FAM184A: variants seen among roughly 807,000 people sequenced by gnomAD.
FAM184A encodes family with sequence similarity 184 member A.
A neutral mutation model predicts 143.8 loss-of-function variants in FAM184A; 99 were observed. That is an observed-to-expected ratio of 0.69 (90% CI 0.58 to 0.81). The LOEUF is 0.81. Ranked by LOEUF, FAM184A falls within the 40% of genes least tolerant of loss-of-function variation. FAM184A has a pLI of 0.00. For synonymous variants in FAM184A, 427 were observed against 446.4 expected (o/e 0.96, Z 0.55); for missense variants, 1,217 against 1,310.5 (o/e 0.93, Z 1.10).
intron 9 of FAM184A, among the ~76,000 whole-genome samples, chr6:118,998,800 A>G (rs1464068667): frequency 1.3e-5 from 2 of 152,220 alleles, no homozygotes; most frequent in African/African-American, 4.8e-5. Flanking sequence ...GATGTTGGCA[A>G]TGCAGCCAGA....
rs142293846 is a variant in FAM184A at position 119,012,332 on chromosome 6, G to A, written c.1531-901C>T. Among the ~76,000 whole-genome samples, 527 of 152,254 alleles carry A rather than the reference G, an allele frequency of 3.5e-3. 5 individuals carry two copies. The highest frequency in any genetic ancestry group is 0.012 in the African/African-American group (501 of 41,534). ...CCCAAGTTTGATGATTTACATTCAC[G>A]GGTATAGTCACACTCATGGCTGTGA... On this transcript the variant is annotated intron_variant, in intron 5 of 17. Coordinates refer to ENST00000338891, the MANE Select transcript of FAM184A (RefSeq NM_024581.6).
intron 1 of FAM184A, among the ~76,000 whole-genome samples, chr6:119,043,765 T>C (rs1432719788): frequency 6.6e-6 from 1 of 152,182 alleles, no homozygotes; most frequent in East Asian, 1.9e-4. Flanking sequence ...GTATCAAAAC[T>C]TGTAGGATGC....
At chr6:119,048,576 T>C (rs1409307740) in intron 1 of FAM184A, among the ~76,000 whole-genome samples, 6 of 152,178 alleles carry the variant, frequency 3.9e-5, no homozygotes, top group Non-Finnish European at 8.8e-5. Flanking sequence ...AGCATTCCTA[T>C]ACACCAACAA....
chr6:119,001,802 G>A (rs993960278), intron 9 of FAM184A, among the ~76,000 whole-genome samples: 3 of 152,000 alleles, frequency 2.0e-5, no homozygotes, highest in Non-Finnish European at 4.4e-5. Flanking sequence ...CTTACTACTC[G>A]TCTAACAATA....
chr6:119,002,877 T>C, intron 9 of FAM184A, 22 bp downstream of exon 9: 4 of 1,589,676 alleles, frequency 2.5e-6, no homozygotes, highest in Non-Finnish European at 3.4e-6. Context: ...TGAAACTTCA[T>C]CATGTACACA....
chr6:119,002,970 G>C lies in FAM184A; in HGVS notation c.2017C>G (p.Gln673Glu), dbSNP rs1784809029. ...GCATTTTTCTCTCGATCTTTCAACT[G>C]CAAAAGTTGAGACATTGCTGACTTC... ...DKKSAMSQLL[Q>E]LKDREKNAAR... The change falls in exon 9 of 18, where the codon CAG becomes GAG. Residue 673 changes from glutamine to glutamate, a missense_variant. Coordinates refer to ENST00000338891, the MANE Select transcript of FAM184A (RefSeq NM_024581.6). 1 of 1,612,336 alleles carries C rather than the reference G, an allele frequency of 6.2e-7. No individual in the cohort carries two copies. The highest frequency in any genetic ancestry group is 1.3e-5 in the African/African-American group (1 of 74,870).
At chr6:118,981,676 A>C (rs1470227845) in intron 9 of FAM184A, among the ~76,000 whole-genome samples, 3 of 152,202 alleles carry the variant, frequency 2.0e-5, no homozygotes, top group Admixed American at 2.0e-4. Context: ...AAAAAGCAGC[A>C]GGAACAGTCA....
chr6:119,087,770 C>T (rs961152206), intron 1 of FAM184A, among the ~76,000 whole-genome samples: 1 of 152,066 alleles, frequency 6.6e-6, no homozygotes, highest in African/African-American at 2.4e-5. Flanking sequence ...TAATTGAAAG[C>T]AAAGACTTGA....
At chr6:119,118,218 G>A (rs1280940965) in intron 1 of FAM184A, among the ~76,000 whole-genome samples, 1 of 152,128 alleles carries the variant, frequency 6.6e-6, no homozygotes. Flanking sequence ...ACAGTACACT[G>A]GCTCCACCAT....
upstream of FAM184A, among the ~76,000 whole-genome samples, chr6:119,079,855 A>G (rs919235850): frequency 2.6e-5 from 4 of 152,238 alleles, no homozygotes; most frequent in Admixed American, 2.6e-4. Flanking sequence ...CCTGAAAGGA[A>G]ACTTGAAATT....
At chr6:119,025,977 C>A (rs1785620905) in intron 1 of FAM184A, among the ~76,000 whole-genome samples, 1 of 152,138 alleles carries the variant, frequency 6.6e-6, no homozygotes, top group African/African-American at 2.4e-5. Context: ...CACAGTAACT[C>A]CAGATCCCAC....
Position 118,975,158 on chromosome 6 carries a change from G to GTGTC in FAM184A, c.2630_2633dup (p.His878GlnfsTer9). 1 of 1,611,482 alleles carries GTGTC rather than the reference G, an allele frequency of 6.2e-7. No individual in the cohort carries two copies. Among genetic ancestry groups the GTGTC allele is most frequent in the Non-Finnish European group, 8.5e-7 (1 of 1,178,664 alleles). ...CCAATTCAGAGATGTGATGCTCTCT[G>GTGTC]TGTCTTAATTCCTCTTGTAGATCTG... On this transcript the variant is annotated frameshift_variant, in exon 13 of 18. Transcript: ENST00000338891. LOFTEE classifies it high-confidence loss of function.
At position 119,122,924 on chromosome 6, in the gene FAM184A, GAAAAAAAAAAAAAAAAAAAAAA is replaced by G. The variant is rs766414096; in HGVS notation, c.-202+26132_-202+26153del. Among the ~76,000 whole-genome samples the G allele has an allele frequency of 3.0e-3, 88 of 29,028 alleles. 2 individuals carry two copies. Among genetic ancestry groups the G allele is most frequent in the African/African-American group, 9.8e-3 (76 of 7,732 alleles). 19.0% of individuals were successfully genotyped at this position (29,028 alleles called of 152,430 possible). A position where few individuals can be genotyped will look rare whatever the true frequency, so the allele number is the denominator to read the frequency against. On this transcript the variant is annotated intron_variant, in intron 1 of 16. Coordinates refer to the FAM184A transcript ENST00000352896. Reference sequence around the variant, plus strand: ...TGAGCAACGGAGGAAGACCCTGTCTGAAAAAAAAAAAAAAAAAAAAAAAAAAAAAAAAAAAAAAAAAAGGCAG... The same window carrying G: ...TGAGCAACGGAGGAAGACCCTGTCTGAAAAAAAAAAAAAAAAAAAAGGCAG...
intron 1 of FAM184A, among the ~76,000 whole-genome samples, chr6:119,087,801 T>C (rs1454987926): frequency 6.6e-6 from 1 of 152,176 alleles, no homozygotes; most frequent in African/African-American, 2.4e-5. Context: ...TGTACACCGA[T>C]TGTCACAGCA....
Position 118,961,957 on chromosome 6 carries a change from T to C in FAM184A, c.3145A>G (p.Lys1049Glu), listed in dbSNP as rs1783341251. The C allele has an allele frequency of 6.2e-7, 1 of 1,613,588 alleles. No homozygotes were observed. The highest frequency in any genetic ancestry group is 8.5e-7 in the Non-Finnish European group (1 of 1,179,668). ...GVINPLAKQK[K>E]KNDKSPTNRF... The stretch of plus-strand genomic sequence containing the variant: ...TTTGTTGGTGATTTATCATTCTTCT[T>C]CTTTTGCTGCATTAAAAATAATACA... Residue 1049 changes from lysine (K) to glutamate (E), a missense_variant, in exon 17 of 18, where the codon AAG becomes GAG. Lys to Glu is a moderately conservative substitution (Grantham distance 56). Coordinates refer to ENST00000338891, the MANE Select transcript of FAM184A (RefSeq NM_024581.6).
At chr6:119,141,079 C>T (rs759131188) in intron 1 of FAM184A, among the ~76,000 whole-genome samples, 15 of 152,190 alleles carry the variant, frequency 9.9e-5, no homozygotes, top group Non-Finnish European at 1.8e-4. Context: ...CCATTTGCAT[C>T]TCAAGTCCTT....
chr6:119,130,947 C>G (rs1260055249), intron 1 of FAM184A, among the ~76,000 whole-genome samples: 1 of 151,330 alleles, frequency 6.6e-6, no homozygotes, highest in African/African-American at 2.4e-5. Flanking sequence ...ACCTCTGCCT[C>G]CCGGGTTCAA....
In FAM184A at chr6:119,036,161, A is replaced by ATAGTTCAGCT. The variant is rs548215315; in HGVS notation, c.160-11349_160-11348insAGCTGAACTA. Among the ~76,000 whole-genome samples the ATAGTTCAGCT allele has an allele frequency of 8.7e-4, 133 of 152,196 alleles. No homozygotes were observed. In the South Asian group the frequency reaches 0.027, roughly 31 times the overall value. ...GAATGGGAACAAATGCTACCTACACAGAATAGTTCAGCCCCATAAATGATT... is the reference window on the plus strand; with the variant it reads ...GAATGGGAACAAATGCTACCTACACATAGTTCAGCTGAATAGTTCAGCCCCATAAATGATT... On this transcript the variant is annotated intron_variant, in intron 1 of 17. Coordinates refer to ENST00000338891, the MANE Select transcript of FAM184A (RefSeq NM_024581.6).
chr6:119,145,122 A>T (rs1290490097), intron 1 of FAM184A, among the ~76,000 whole-genome samples: 1 of 152,092 alleles, frequency 6.6e-6, no homozygotes, highest in Non-Finnish European at 1.5e-5. Context: ...CTGGCCAGAG[A>T]TTGGCAGGCA....
Sources: gnomAD v4.1 joint callset for allele counts (sites outside exome capture counted in the v4.1 genomes callset) on GRCh38, gnomAD v4.1.1 for gene constraint, MANE v1.5 for transcripts, NCBI Gene and HGNC (gene_info 2026-07-23, HGNC 2026-07-21) for gene names.